Variants in TMEM260 observed in about 807,000 individuals in gnomAD.
TMEM260 encodes transmembrane protein 260.
TMEM260 carries 82 observed loss-of-function variants against 88.9 expected under a neutral mutation model. That is an observed-to-expected ratio of 0.92 (90% CI 0.77 to 1.11). The LOEUF (loss-of-function observed/expected upper bound fraction) is 1.11, where lower values mean the gene tolerates loss of function less well. Ranked by LOEUF, TMEM260 falls within the 50% of genes least tolerant of loss-of-function variation. The pLI is 0.00. For missense variants in TMEM260, 902 were observed against 853.4 expected, an observed-to-expected ratio of 1.06 and a Z score of -0.71; for synonymous variants, 314 against 309.3, an observed-to-expected ratio of 1.02 and a Z score of -0.16.
chr14:56,644,580 A>G (rs1268060787), intron 15 of TMEM260, among the ~76,000 whole-genome samples: 1 of 152,210 alleles, frequency 6.6e-6, no homozygotes, highest in African/African-American at 2.4e-5. Context: ...ACCATTCAGG[A>G]CATAGGCATG....
At chr14:56,629,480 G>C (rs1037582734) in intron 12 of TMEM260, among the ~76,000 whole-genome samples, 2 of 149,144 alleles carry the variant, frequency 1.3e-5, no homozygotes, top group Admixed American at 6.7e-5. Context: ...GAACTTAAGA[G>C]AAAAAAATAT....
chr14:56,599,942 T>G (rs761529751), intron 3 of TMEM260, among the ~76,000 whole-genome samples: 31 of 152,218 alleles, frequency 2.0e-4, no homozygotes, highest in Non-Finnish European at 5.9e-5. Flanking sequence ...AAAAATTATT[T>G]GAATAATTTT....
chr14:56,592,847 AG>A lies in TMEM260; in HGVS notation c.344+6938del, dbSNP rs548721200. ...TTCTCAGTACACTCAGTATAGACGT[AG>A]GGCAGTGTACCTTCCGTGTTGGGTT... On this transcript the variant is annotated intron_variant, in intron 3 of 15. Coordinates refer to ENST00000261556, the MANE Select transcript of TMEM260 (RefSeq NM_017799.4). Among the ~76,000 whole-genome samples the A allele has an allele frequency of 1.3e-4, 20 of 152,320 alleles. No individual in the cohort carries two copies. In the South Asian group the frequency reaches 3.9e-3, roughly 30 times the overall value.
At chr14:56,631,711 C>CA (rs1288129381) in intron 12 of TMEM260, among the ~76,000 whole-genome samples, 2 of 152,112 alleles carry the variant, frequency 1.3e-5, no homozygotes, top group Non-Finnish European at 2.9e-5. Context: ...TGGTTTGGCC[C>CA]TAGAAGGTCA....
intron 15 of TMEM260, among the ~76,000 whole-genome samples, chr14:56,641,857 C>A (rs1232253331): frequency 6.6e-6 from 1 of 151,992 alleles, no homozygotes; most frequent in Non-Finnish European, 1.5e-5. Context: ...GCAGTGGTTG[C>A]AATCCTAGTC....
chr14:56,637,327 A>AT (rs923247933), intron 15 of TMEM260, among the ~76,000 whole-genome samples: 1 of 152,156 alleles, frequency 6.6e-6, no homozygotes, highest in Non-Finnish European at 1.5e-5. Context: ...GCTTGTTGAG[A>AT]TTTCACGAGA....
chr14:56,585,295 G>A (rs772858895), intron 2 of TMEM260, among the ~76,000 whole-genome samples: 1 of 151,936 alleles, frequency 6.6e-6, no homozygotes, highest in African/African-American at 2.4e-5. Flanking sequence ...AAAATAAATC[G>A]GGTTAACAGT....
chr14:56,605,937 A>G (rs1211160391), intron 5 of TMEM260, among the ~76,000 whole-genome samples: 1 of 152,226 alleles, frequency 6.6e-6, no homozygotes, highest in Non-Finnish European at 1.5e-5. Context: ...AGTAGGCTGA[A>G]AGGACTTAAA....
At chr14:56,646,850 C>G (rs1416896012) in intron 15 of TMEM260, among the ~76,000 whole-genome samples, 1 of 140,910 alleles carries the variant, frequency 7.1e-6, no homozygotes, top group African/African-American at 3.0e-5. Context: ...CTAAAGAAAG[C>G]TGTTTTTTTT....
chr14:56,587,694 A>G (rs1171507209), intron 3 of TMEM260, among the ~76,000 whole-genome samples: 1 of 152,104 alleles, frequency 6.6e-6, no homozygotes, highest in Non-Finnish European at 1.5e-5. Flanking sequence ...AAAGGGATCT[A>G]ACAATATTAT....
At chr14:56,654,627 T>C (rs113808391), downstream of TMEM260, among the ~76,000 whole-genome samples, 16,732 of 151,800 alleles carry the variant, frequency 0.11, 1,232 homozygotes, top group East Asian at 0.32. Flanking sequence ...GAGACCAGCC[T>C]GAGGTGGTGA....
At chr14:56,617,807 G>A (rs561955560) in intron 9 of TMEM260, among the ~76,000 whole-genome samples, 10 of 152,270 alleles carry the variant, frequency 6.6e-5, no homozygotes, top group Non-Finnish European at 1.2e-4. Flanking sequence ...CAAAGTCTGC[G>A]TATGTGTGTG....
downstream of TMEM260, among the ~76,000 whole-genome samples, chr14:56,654,371 C>G (rs1890262578): frequency 6.6e-6 from 1 of 152,122 alleles, no homozygotes; most frequent in Non-Finnish European, 1.5e-5. Context: ...TCTTACCCCT[C>G]TTAAGTAGAC....
Position 56,639,959 on chromosome 14 carries a change from C to T in TMEM260, c.1869+3361C>T, listed in dbSNP as rs191521659. On this transcript the variant is annotated intron_variant, in intron 15 of 15. Transcript: ENST00000261556. ...GGAGGGGTGCCCGCCATTGCTGAGG[C>T]TTCAGCAGGTAAACAAAGCAGCTGG... Among the ~76,000 whole-genome samples, 5 of 152,292 alleles carry T rather than the reference C, an allele frequency of 3.3e-5. No individual in the cohort carries two copies. In the East Asian group the frequency reaches 9.7e-4, roughly 30 times the overall value.
chr14:56,604,252 C>T (rs1212108482), intron 4 of TMEM260, among the ~76,000 whole-genome samples: 1 of 151,774 alleles, frequency 6.6e-6, no homozygotes, highest in Non-Finnish European at 1.5e-5. Context: ...CCTGTGTGTC[C>T]GGTGGGAAAG....
rs539209409 is a variant in TMEM260 at position 56,635,082 on chromosome 14, T to C, written c.1778+130T>C. 5 of 770,890 alleles carry C rather than the reference T, an allele frequency of 6.5e-6. No individual in the cohort carries two copies. The East Asian group carries it at 7.5e-5, about 12-fold the overall frequency. 47.8% of individuals were successfully genotyped at this position (770,890 alleles called of 1,614,324 possible). On this transcript the variant is annotated intron_variant, in intron 14 of 15. Transcript: ENST00000261556. ...AATAGCATTTATGAGCAATTATGTT[T>C]TTGAGGCACTGTACTAATCATTATA...
At chr14:56,637,400 C>T (rs1320434502) in intron 15 of TMEM260, among the ~76,000 whole-genome samples, 1 of 152,186 alleles carries the variant, frequency 6.6e-6, no homozygotes, top group Non-Finnish European at 1.5e-5. Context: ...GGAAGCCAAA[C>T]TAACCTTCGG....
chr14:56,640,148 T>G lies in TMEM260; in HGVS notation c.1869+3550T>G, dbSNP rs548049625. ...TGTCTGACAGCTTTGAAGAGAATAGTGGTTCTCCCAGTATGCAGCCTGAGA... is the reference window on the plus strand; with the variant it reads ...TGTCTGACAGCTTTGAAGAGAATAGGGGTTCTCCCAGTATGCAGCCTGAGA... On this transcript the variant is annotated intron_variant, in intron 15 of 15. Coordinates refer to ENST00000261556, the MANE Select transcript of TMEM260 (RefSeq NM_017799.4). 4.6e-5 allele frequency among the ~76,000 whole-genome samples: 7 copies of G among 152,330 alleles called. No individual in the cohort carries two copies. The South Asian group carries it at 1.4e-3, about 32-fold the overall frequency.
At chr14:56,600,036 A>C (rs975962481) in intron 3 of TMEM260, among the ~76,000 whole-genome samples, 5 of 152,348 alleles carry the variant, frequency 3.3e-5, no homozygotes, top group African/African-American at 9.6e-5. Flanking sequence ...AATAGCCCAC[A>C]TATTAACTGT....
Sources: gnomAD v4.1 joint callset for allele counts (sites outside exome capture counted in the v4.1 genomes callset) on GRCh38, gnomAD v4.1.1 for gene constraint, MANE v1.5 for transcripts, NCBI Gene and HGNC (gene_info 2026-07-23, HGNC 2026-07-21) for gene names.